CDH18: variants seen among roughly 807,000 people sequenced by gnomAD.
CDH18 encodes cadherin 18, also known as cadherin-18.
A neutral mutation model predicts 67.9 loss-of-function variants in CDH18; 31 were observed. The ratio of observed to expected loss-of-function variants is 0.46; its 90% CI spans 0.34 to 0.62. The LOEUF (loss-of-function observed/expected upper bound fraction) is 0.62. Among genes scored for constraint, CDH18 ranks in the 20% least tolerant of loss-of-function variants. CDH18 has a pLI of 0.01. For synonymous variants in CDH18, 362 were observed against 347.2 expected, an observed-to-expected ratio of 1.04 and a Z score of -0.48; for missense variants, 890 against 975.5, an observed-to-expected ratio of 0.91 and a Z score of 1.17.
chr5:19,527,040 T>C (rs1015925839), intron 9 of CDH18, among the ~76,000 whole-genome samples: 1 of 151,972 alleles, frequency 6.6e-6, no homozygotes, highest in Admixed American at 6.6e-5. Context: ...AATTTAGAAC[T>C]AAAATTACTC....
chr5:19,640,163 T>C (rs1251604297), intron 5 of CDH18, among the ~76,000 whole-genome samples: 3 of 152,174 alleles, frequency 2.0e-5, no homozygotes, highest in African/African-American at 4.8e-5. Flanking sequence ...TGAAATAATA[T>C]GAAAACAAAC....
chr5:20,395,835 C>T (rs535656012), intron 1 of CDH18, among the ~76,000 whole-genome samples: 17 of 152,150 alleles, frequency 1.1e-4, no homozygotes, highest in African/African-American at 4.1e-4. Context: ...GGCAGAAAGG[C>T]TGAAGGCTTA....
intron 2 of CDH18, among the ~76,000 whole-genome samples, chr5:20,140,491 AG>A (rs756846157): frequency 5.8e-4 from 89 of 152,242 alleles, no homozygotes; most frequent in Non-Finnish European, 1.1e-3. Context: ...ATATAAAAAA[AG>A]AAATTCTTTA....
chr5:20,305,709 C>G, intron 1 of CDH18: 4 of 404,454 alleles, frequency 9.9e-6, no homozygotes, highest in Non-Finnish European at 1.8e-5. Context: ...CGGCGAGACG[C>G]GCCGGTTCAG....
At chr5:20,505,675 C>G (rs1754612446) in intron 1 of CDH18, among the ~76,000 whole-genome samples, 1 of 152,132 alleles carries the variant, frequency 6.6e-6, no homozygotes, top group Non-Finnish European at 1.5e-5. Flanking sequence ...GAAGGAGTAG[C>G]TTTGAGAGAT....
At chr5:20,562,775 T>C (rs954921431) in intron 1 of CDH18, among the ~76,000 whole-genome samples, 1 of 151,856 alleles carries the variant, frequency 6.6e-6, no homozygotes, top group African/African-American at 2.4e-5. Flanking sequence ...TAAAACAATA[T>C]GAAAAGGCAT....
chr5:20,078,462 CAAAACAA>C (rs1009477875), intron 2 of CDH18, among the ~76,000 whole-genome samples: 81 of 149,928 alleles, frequency 5.4e-4, no homozygotes, highest in South Asian at 1.5e-3. Context: ...GACTCTGTCT[CAAAACAA>C]AAAACAAAAA....
At chr5:20,572,726 A>G (rs1758882804) in intron 1 of CDH18, among the ~76,000 whole-genome samples, 1 of 152,172 alleles carries the variant, frequency 6.6e-6, no homozygotes, top group African/African-American at 2.4e-5. Flanking sequence ...TGGCTCAGAT[A>G]TCTATAAAAA....
chr5:20,029,452 C>T (rs892771984), intron 2 of CDH18, among the ~76,000 whole-genome samples: 3 of 152,042 alleles, frequency 2.0e-5, no homozygotes, highest in African/African-American at 4.8e-5. Flanking sequence ...AATGCTTGGC[C>T]GTTCTCCCAG....
In CDH18 at chr5:19,937,884, A is replaced by G. The variant is rs1794442334; in HGVS notation, c.-257+43176T>C. ...TGGTGGCTTGTAACATTGAGAAAGG[A>G]AATTTTTTTTATTGAATTTCACAAA... On this transcript the variant is annotated intron_variant, in intron 2 of 12. Coordinates refer to ENST00000382275, the MANE Select transcript of CDH18 (RefSeq NM_004934.5). Among the ~76,000 whole-genome samples the G allele has an allele frequency of 2.7e-5, 4 of 150,688 alleles. No homozygotes were observed. In the Admixed American group the frequency reaches 2.7e-4, roughly 10 times the overall value.
At chr5:20,178,449 C>T (rs941224537) in intron 2 of CDH18, among the ~76,000 whole-genome samples, 1 of 151,200 alleles carries the variant, frequency 6.6e-6, no homozygotes, top group African/African-American at 2.4e-5. Flanking sequence ...TTTTCCTTTC[C>T]ACTGCTAGCT....
intron 2 of CDH18, among the ~76,000 whole-genome samples, chr5:20,225,603 A>T (rs963446677): frequency 1.3e-5 from 2 of 152,102 alleles, no homozygotes; most frequent in Non-Finnish European, 2.9e-5. Context: ...GTGTTCTATA[A>T]AGAGTGGTGA....
intron 2 of CDH18, among the ~76,000 whole-genome samples, chr5:19,944,203 T>C (rs367684524): frequency 1.7e-3 from 266 of 152,214 alleles, no homozygotes; most frequent in South Asian, 0.016. Context: ...ACTAAAACAT[T>C]TGCTATCAAT....
intron 10 of CDH18, among the ~76,000 whole-genome samples, chr5:19,520,439 GAATT>G (rs1412432932): frequency 1.3e-5 from 2 of 152,142 alleles, no homozygotes; most frequent in African/African-American, 2.4e-5. Context: ...ATTCATGAAT[GAATT>G]CATTTTTCTG....
intron 11 of CDH18, among the ~76,000 whole-genome samples, chr5:19,493,537 GGT>G (rs67879363): frequency 0.033 from 4,845 of 147,844 alleles, 123 homozygotes; most frequent in Admixed American, 0.056. Flanking sequence ...AGGGAATTGG[GGT>G]GTGTGTGTGT....
At chr5:20,438,502 C>T (rs1001952806) in intron 1 of CDH18, among the ~76,000 whole-genome samples, 19 of 151,288 alleles carry the variant, frequency 1.3e-4, no homozygotes, top group South Asian at 2.1e-4. Flanking sequence ...TCACCTTAAA[C>T]CCTCTTTAGA....
intron 1 of CDH18, among the ~76,000 whole-genome samples, chr5:20,520,542 T>C (rs1212681885): frequency 6.6e-6 from 1 of 152,104 alleles, no homozygotes; most frequent in Non-Finnish European, 1.5e-5. Flanking sequence ...ACCTTAGTGC[T>C]AATATACAAG....
rs534997162 is a variant in CDH18, at chr5:19,830,047, A to G, written c.228+8712T>C. On this transcript the variant is annotated intron_variant, in intron 3 of 12. Coordinates refer to ENST00000382275, the MANE Select transcript of CDH18 (RefSeq NM_004934.5). ...CATTTACAACAATGAACTTAAAATG[A>G]ATTAAGGATTTAAATATAAAATCTA... 2.0e-5 allele frequency among the ~76,000 whole-genome samples: 3 copies of G among 152,298 alleles called. No homozygotes were observed. In the East Asian group the frequency reaches 5.8e-4, roughly 29 times the overall value.
At chr5:20,501,717 T>TTTTG (rs1195840581) in intron 1 of CDH18, among the ~76,000 whole-genome samples, 2 of 121,268 alleles carry the variant, frequency 1.6e-5, no homozygotes, top group South Asian at 2.8e-4. Context: ...TCTTAAGGAT[T>TTTTG]TGTGTGTGTG....
Sources: allele counts gnomAD v4.1 joint callset (sites outside exome capture counted in the v4.1 genomes callset), GRCh38; gene constraint gnomAD v4.1.1; transcripts MANE v1.5; gene names NCBI Gene and HGNC (gene_info 2026-07-23, HGNC 2026-07-21).